ABTB3: variants seen among roughly 807,000 people sequenced by gnomAD.
ABTB3 encodes ankyrin repeat and BTB domain containing 3, also known as ankyrin repeat- and BTB/POZ domain-containing protein 3.
At chr12:107,321,931 A>C in the ABTB3 span, among the ~76,000 whole-genome samples, 1 of 152,046 alleles carries the variant, frequency 6.6e-6, no homozygotes, top group African/African-American at 2.4e-5. Context: ...TCTAGTGTGG[A>C]AATCTGGTCA....
the ABTB3 span, among the ~76,000 whole-genome samples, chr12:107,644,606 G>A: frequency 6.6e-6 from 1 of 152,186 alleles, no homozygotes; most frequent in Non-Finnish European, 1.5e-5. Flanking sequence ...CTGCAGGTGT[G>A]AAAATTCACA....
the ABTB3 span, among the ~76,000 whole-genome samples, chr12:107,555,846 A>T: frequency 9.2e-5 from 14 of 152,288 alleles, no homozygotes; most frequent in African/African-American, 3.4e-4. Context: ...CCCCTTCCAG[A>T]AAAACAGACT....
the ABTB3 span, among the ~76,000 whole-genome samples, chr12:107,648,959 G>A: frequency 6.6e-6 from 1 of 150,846 alleles, no homozygotes; most frequent in Non-Finnish European, 1.5e-5. Flanking sequence ...GGAACTGGGG[G>A]TGGGAAAACA....
At chr12:107,496,318 C>T in the ABTB3 span, among the ~76,000 whole-genome samples, 2 of 152,176 alleles carry the variant, frequency 1.3e-5, no homozygotes, top group Admixed American at 1.3e-4. Flanking sequence ...AGACCAGCTC[C>T]TTCTTCCTTC....
the ABTB3 span, among the ~76,000 whole-genome samples, chr12:107,390,451 G>A: frequency 6.6e-6 from 1 of 152,172 alleles, no homozygotes; most frequent in Non-Finnish European, 1.5e-5. Context: ...TTCGGGGAAG[G>A]TGGTACACGT....
the ABTB3 span, among the ~76,000 whole-genome samples, chr12:107,356,333 G>C: frequency 6.6e-6 from 1 of 152,146 alleles, no homozygotes; most frequent in Non-Finnish European, 1.5e-5. Context: ...GTTATCAAGG[G>C]GAAGATGAAG....
the ABTB3 span, among the ~76,000 whole-genome samples, chr12:107,481,633 T>A: frequency 3.3e-5 from 5 of 152,124 alleles, no homozygotes; most frequent in African/African-American, 1.2e-4. Context: ...ATGAGGACTC[T>A]TCCAGCAAGT....
the ABTB3 span, among the ~76,000 whole-genome samples, chr12:107,583,339 C>A: frequency 2.0e-5 from 3 of 152,198 alleles, no homozygotes; most frequent in Admixed American, 6.5e-5. Context: ...TTAATACTTT[C>A]TCATAACAGC....
chr12:107,375,425 C>CATCATCATCATCATA, the ABTB3 span, among the ~76,000 whole-genome samples: 1 of 8,258 alleles, frequency 1.2e-4, no homozygotes, highest in Non-Finnish European at 3.6e-4. Context: ...TGTCAGAAAT[C>CATCATCATCATCATA]ATCATCATCA....
the ABTB3 span, among the ~76,000 whole-genome samples, chr12:107,436,939 C>T: frequency 1.4e-3 from 209 of 152,120 alleles, 2 homozygotes; most frequent in African/African-American, 4.7e-3. Context: ...ACACTTTCTC[C>T]CCGCTTCTGC....
chr12:107,590,861 G>T, the ABTB3 span, among the ~76,000 whole-genome samples: 1 of 151,982 alleles, frequency 6.6e-6, no homozygotes, highest in African/African-American at 2.4e-5. Context: ...TTTATTTTTG[G>T]CCCACTCTTG....
chr12:107,485,100 CA>C, the ABTB3 span, among the ~76,000 whole-genome samples: 1 of 152,090 alleles, frequency 6.6e-6, no homozygotes, highest in African/African-American at 2.4e-5. Context: ...ATTATCTACC[CA>C]TTTTAGAGAT....
chr12:107,505,899 A>T, the ABTB3 span, among the ~76,000 whole-genome samples: 4 of 152,144 alleles, frequency 2.6e-5, no homozygotes, highest in Admixed American at 2.6e-4. Context: ...TCCATGGTGC[A>T]TATATGTACT....
the ABTB3 span, among the ~76,000 whole-genome samples, chr12:107,510,838 C>A: frequency 6.6e-6 from 1 of 152,106 alleles, no homozygotes; most frequent in African/African-American, 2.4e-5. Flanking sequence ...GGGAGGATGG[C>A]TTGAGCCTGG....
chr12:107,621,753 G>A, the ABTB3 span, among the ~76,000 whole-genome samples: 1 of 152,234 alleles, frequency 6.6e-6, no homozygotes, highest in African/African-American at 2.4e-5. Context: ...CCAAAGGGCC[G>A]CCACTCTCCC....
At chr12:107,521,420 C>G in the ABTB3 span, among the ~76,000 whole-genome samples, 3 of 152,056 alleles carry the variant, frequency 2.0e-5, no homozygotes, top group Non-Finnish European at 4.4e-5. Context: ...TTTGCTGACT[C>G]TCTTCATCAG....
chr12:107,446,005 C>T, the ABTB3 span, among the ~76,000 whole-genome samples: 1 of 151,700 alleles, frequency 6.6e-6, no homozygotes, highest in Non-Finnish European at 1.5e-5. Flanking sequence ...AATAATCTCC[C>T]CATCTCAACG....
chr12:107,514,897 A>G, the ABTB3 span, among the ~76,000 whole-genome samples: 1 of 152,214 alleles, frequency 6.6e-6, no homozygotes, highest in South Asian at 2.1e-4. Context: ...AATAAGGGAC[A>G]AAGTAGTCGA....
At chr12:107,508,438 C>CTTTTTTTTTTTT in the ABTB3 span, among the ~76,000 whole-genome samples, 126 of 69,162 alleles carry the variant, frequency 1.8e-3, 20 homozygotes, top group East Asian at 3.2e-3. Context: ...AAGATCATTT[C>CTTTTTTTTTTTT]TTTTTTTTTT....
Sources: gnomAD v4.1 joint callset for allele counts (sites outside exome capture counted in the v4.1 genomes callset) on GRCh38, gnomAD v4.1.1 for gene constraint, MANE v1.5 for transcripts, NCBI Gene and HGNC (gene_info 2026-07-23, HGNC 2026-07-21) for gene names.